The following CEP63 variants were observed in gnomAD, a reference collection of about 807,000 sequenced individuals.
CEP63 encodes the protein centrosomal protein 63.
Under a neutral mutation model 89.1 loss-of-function variants are expected in CEP63, and 84 were observed. That is an observed-to-expected ratio of 0.94 (90% CI 0.79 to 1.13). CEP63 has a LOEUF of 1.13. Ranked by LOEUF, CEP63 falls within the 50% of genes most tolerant of loss-of-function variation. The probability of loss-of-function intolerance (pLI) is 0.00; values close to 1 mark genes in which losing one functional copy is unlikely to be tolerated. For missense variants in CEP63, 838 were observed against 813.3 expected (o/e 1.03, Z -0.37); for synonymous variants, 267 against 272.5 (o/e 0.98, Z 0.20).
At chr3:134,510,631 A>G (rs1944624031) in intron 3 of CEP63, 2 of 652,112 alleles carry the variant, frequency 3.1e-6, no homozygotes. Context: ...GGCGGGAAGC[A>G]AGAAGAGTGC....
intron 1 of CEP63, among the ~76,000 whole-genome samples, chr3:134,487,312 T>G (rs951236115): frequency 5.3e-5 from 8 of 152,240 alleles, no homozygotes; most frequent in African/African-American, 1.9e-4. Flanking sequence ...TGTGGCATTA[T>G]CAGTGATCAG....
the CEP63 span, among the ~76,000 whole-genome samples, chr3:134,752,853 A>G: frequency 2.0e-5 from 3 of 152,086 alleles, no homozygotes; most frequent in East Asian, 3.9e-4. Flanking sequence ...GTTTGAAGCC[A>G]CTGTGTCTCC....
chr3:134,734,529 G>C, the CEP63 span, among the ~76,000 whole-genome samples: 3 of 152,094 alleles, frequency 2.0e-5, no homozygotes, highest in Non-Finnish European at 4.4e-5. Flanking sequence ...TAATTAAAAA[G>C]AGAACAATTA....
chr3:134,737,876 A>G, the CEP63 span, among the ~76,000 whole-genome samples: 5 of 152,142 alleles, frequency 3.3e-5, no homozygotes, highest in Non-Finnish European at 7.3e-5. Context: ...AACCTCTCCA[A>G]GTGGCCTCTC....
At chr3:134,650,836 T>A in the CEP63 span, 2 of 1,602,314 alleles carry the variant, frequency 1.2e-6, no homozygotes, top group South Asian at 2.2e-5. Context: ...TCCTCCGCGC[T>A]GCAGCAGCGA....
At chr3:134,538,533 G>GTGTGTA (rs1553770392) in intron 6 of CEP63, among the ~76,000 whole-genome samples, 7 of 101,372 alleles carry the variant, frequency 6.9e-5, no homozygotes, top group Admixed American at 6.4e-4. Context: ...GTGTGTGTGT[G>GTGTGTA]TATATATATA....
At chr3:134,671,799 AG>A in the CEP63 span, among the ~76,000 whole-genome samples, 3 of 152,144 alleles carry the variant, frequency 2.0e-5, no homozygotes, top group Non-Finnish European at 4.4e-5. Flanking sequence ...AAAGGGTTTG[AG>A]CCCTTGCCCT....
chr3:134,781,579 C>T, the CEP63 span, among the ~76,000 whole-genome samples: 1 of 151,164 alleles, frequency 6.6e-6, no homozygotes, highest in South Asian at 2.1e-4. Context: ...GGTGATGGAT[C>T]ATTTGTACAC....
At chr3:134,580,627 C>T (rs1281065434) in intron 10 of CEP63, among the ~76,000 whole-genome samples, 1 of 152,170 alleles carries the variant, frequency 6.6e-6, no homozygotes, top group Admixed American at 6.5e-5. Flanking sequence ...GACAAATATT[C>T]CTCATGAACA....
At chr3:134,736,732 C>T in the CEP63 span, among the ~76,000 whole-genome samples, 1 of 152,214 alleles carries the variant, frequency 6.6e-6, no homozygotes, top group East Asian at 1.9e-4. Flanking sequence ...AAATTATCCT[C>T]AAAGGATTCT....
At chr3:134,675,012 G>T in the CEP63 span, among the ~76,000 whole-genome samples, 1 of 152,138 alleles carries the variant, frequency 6.6e-6, no homozygotes, top group East Asian at 1.9e-4. Flanking sequence ...AAAACCAGCT[G>T]CCTTTTATTG....
chr3:134,589,086 C>T (rs1207636593), downstream of CEP63, among the ~76,000 whole-genome samples: 1 of 152,166 alleles, frequency 6.6e-6, no homozygotes, highest in African/African-American at 2.4e-5. Flanking sequence ...ACAAAAGTAT[C>T]AGGCTCAGAT....
chr3:134,781,473 T>C, the CEP63 span, among the ~76,000 whole-genome samples: 1 of 152,148 alleles, frequency 6.6e-6, no homozygotes, highest in African/African-American at 2.4e-5. Flanking sequence ...GACACAAAGG[T>C]GGGAACAACA....
At chr3:134,616,395 G>A in the CEP63 span, among the ~76,000 whole-genome samples, 1 of 152,110 alleles carries the variant, frequency 6.6e-6, no homozygotes, top group Non-Finnish European at 1.5e-5. Flanking sequence ...AACCAAGAAG[G>A]GATAAATCAG....
chr3:134,500,314 G>A (rs1159975354), intron 2 of CEP63, among the ~76,000 whole-genome samples: 1 of 152,118 alleles, frequency 6.6e-6, no homozygotes, highest in African/African-American at 2.4e-5. Flanking sequence ...TGGTGTATAT[G>A]TACTACATTT....
the CEP63 span, among the ~76,000 whole-genome samples, chr3:134,666,856 A>G: frequency 6.6e-6 from 1 of 152,200 alleles, no homozygotes; most frequent in African/African-American, 2.4e-5. Flanking sequence ...GGGATGAAGA[A>G]ATGAGGTCTA....
chr3:134,569,666 G>T (rs1176833444), downstream of CEP63, among the ~76,000 whole-genome samples: 1 of 152,164 alleles, frequency 6.6e-6, no homozygotes, highest in Non-Finnish European at 1.5e-5. Context: ...CAGGTGCACG[G>T]TGCAAGCTGT....
chr3:134,740,501 G>A, the CEP63 span, among the ~76,000 whole-genome samples: 2 of 152,186 alleles, frequency 1.3e-5, no homozygotes, highest in East Asian at 1.9e-4. Flanking sequence ...GGTTCACCGT[G>A]TTAGCCAGGA....
At chr3:134,492,113 G>T (rs1306585042) in intron 1 of CEP63, among the ~76,000 whole-genome samples, 1 of 117,718 alleles carries the variant, frequency 8.5e-6, no homozygotes, top group African/African-American at 3.3e-5. Flanking sequence ...TTGCTCTGTC[G>T]CCCAGGCTGG....
Sources: gnomAD v4.1 joint callset for allele counts (sites outside exome capture counted in the v4.1 genomes callset) on GRCh38, gnomAD v4.1.1 for gene constraint, MANE v1.5 for transcripts, NCBI Gene and HGNC (gene_info 2026-07-23, HGNC 2026-07-21) for gene names.